SUPT3H: variants seen among roughly 807,000 people sequenced by gnomAD.
SUPT3H encodes the protein SPT3 homolog, SAGA and STAGA complex component.
SUPT3H carries 44 observed loss-of-function variants against 44.3 expected under a neutral mutation model. The ratio of observed to expected loss-of-function variants is 0.99; its 90% CI spans 0.78 to 1.28. SUPT3H has a LOEUF of 1.28. Among genes scored for constraint, SUPT3H ranks in the 50% most tolerant of loss-of-function variants. The pLI is 0.00. For synonymous variants in SUPT3H, 124 were observed against 125.6 expected (o/e 0.99, Z 0.09); for missense variants, 380 against 387.1 (o/e 0.98, Z 0.15).
At chr6:44,891,561 T>C (rs577860738) in intron 10 of SUPT3H, among the ~76,000 whole-genome samples, 187 of 152,172 alleles carry the variant, frequency 1.2e-3, no homozygotes, top group African/African-American at 4.1e-3. Context: ...TTCTTATAGA[T>C]AGAAAGTCGA....
At chr6:44,928,631 C>A (rs1224412969) in intron 10 of SUPT3H, among the ~76,000 whole-genome samples, 1 of 151,890 alleles carries the variant, frequency 6.6e-6, no homozygotes, top group African/African-American at 2.4e-5. Context: ...CGCGGTGGCT[C>A]ACGCCTGTAA....
intron 10 of SUPT3H, among the ~76,000 whole-genome samples, chr6:44,835,359 C>G (rs1206377713): frequency 6.6e-6 from 1 of 152,150 alleles, no homozygotes; most frequent in Non-Finnish European, 1.5e-5. Flanking sequence ...TATACATGCT[C>G]TGTCTCTAGG....
intron 10 of SUPT3H, among the ~76,000 whole-genome samples, chr6:44,832,160 G>T (rs2153410978): frequency 6.6e-6 from 1 of 152,102 alleles, no homozygotes; most frequent in South Asian, 2.1e-4. Context: ...CCCAACTTTG[G>T]CATGCTTTCC....
chr6:45,082,229 C>A (rs1167271006), intron 3 of SUPT3H, among the ~76,000 whole-genome samples: 1 of 151,938 alleles, frequency 6.6e-6, no homozygotes, highest in Non-Finnish European at 1.5e-5. Flanking sequence ...GAGTTGATAT[C>A]AATTCTACTG....
intron 6 of SUPT3H, among the ~76,000 whole-genome samples, chr6:44,965,984 T>C (rs1227636166): frequency 6.6e-6 from 1 of 152,156 alleles, no homozygotes; most frequent in Non-Finnish European, 1.5e-5. Context: ...TTGACCGGCC[T>C]AAGACCAGAA....
chr6:44,865,806 AT>A (rs1775406629), intron 10 of SUPT3H, among the ~76,000 whole-genome samples: 1 of 152,172 alleles, frequency 6.6e-6, no homozygotes, highest in Admixed American at 6.5e-5. Context: ...CATCACATAT[AT>A]TAAGTAGAAT....
chr6:45,271,654 G>A (rs1327676940), intron 2 of SUPT3H, among the ~76,000 whole-genome samples: 1 of 152,198 alleles, frequency 6.6e-6, no homozygotes. Context: ...AGGAAAATGT[G>A]TGGTTGGAGC....
intron 10 of SUPT3H, among the ~76,000 whole-genome samples, chr6:44,850,640 T>G (rs1772705029): frequency 1.3e-5 from 2 of 152,200 alleles, no homozygotes; most frequent in South Asian, 4.1e-4. Flanking sequence ...AAAGGAGTCT[T>G]GGAAGTTTAT....
At chr6:45,118,895 G>A (rs1416721277) in intron 2 of SUPT3H, among the ~76,000 whole-genome samples, 1 of 152,150 alleles carries the variant, frequency 6.6e-6, no homozygotes, top group Non-Finnish European at 1.5e-5. Context: ...AAGTGCTTAA[G>A]CATTTCAACT....
At chr6:44,850,792 C>CTATCTATT (rs1487579905) in intron 10 of SUPT3H, among the ~76,000 whole-genome samples, 17 of 150,838 alleles carry the variant, frequency 1.1e-4, no homozygotes, top group Middle Eastern at 3.4e-3. Flanking sequence ...ATCTATCTAT[C>CTATCTATT]TATAAATGTA....
At chr6:45,109,536 A>G (rs2153573152) in intron 2 of SUPT3H, among the ~76,000 whole-genome samples, 1 of 152,340 alleles carries the variant, frequency 6.6e-6, no homozygotes, top group South Asian at 2.1e-4. Flanking sequence ...ATACACTGTA[A>G]AGTAAGTACC....
chr6:45,247,996 T>C (rs1000643152), intron 2 of SUPT3H, among the ~76,000 whole-genome samples: 2 of 152,118 alleles, frequency 1.3e-5, no homozygotes, highest in African/African-American at 2.4e-5. Flanking sequence ...TGTCAACAAA[T>C]AGTGCTAGAA....
chr6:45,269,029 T>C (rs1357432689), intron 2 of SUPT3H, among the ~76,000 whole-genome samples: 3 of 152,096 alleles, frequency 2.0e-5, no homozygotes, highest in Non-Finnish European at 4.4e-5. Context: ...TTCTGGAAAG[T>C]CAATCACCTA....
intron 2 of SUPT3H, among the ~76,000 whole-genome samples, chr6:45,168,505 G>C (rs114366505): frequency 0.018 from 2,665 of 152,174 alleles, 51 homozygotes; most frequent in South Asian, 0.085. Context: ...ACCTCCTGAG[G>C]CTATGTCACA....
At chr6:44,976,689 C>T (rs1223456034) in intron 6 of SUPT3H, among the ~76,000 whole-genome samples, 4 of 152,108 alleles carry the variant, frequency 2.6e-5, no homozygotes, top group Admixed American at 6.5e-5. Context: ...TCTGAAAAGT[C>T]TACTTACCTA....
At chr6:44,892,380 T>C (rs932218377) in intron 10 of SUPT3H, among the ~76,000 whole-genome samples, 4 of 152,068 alleles carry the variant, frequency 2.6e-5, no homozygotes, top group Non-Finnish European at 5.9e-5. Flanking sequence ...AGGTAGGTGG[T>C]CATCTACAGC....
intron 3 of SUPT3H, among the ~76,000 whole-genome samples, chr6:45,104,574 T>G (rs551605465): frequency 1.3e-5 from 2 of 152,182 alleles, no homozygotes; most frequent in East Asian, 3.9e-4. Context: ...TTCTTTTAAT[T>G]TGTTCTAAAC....
intron 2 of SUPT3H, among the ~76,000 whole-genome samples, chr6:45,278,751 G>C (rs999976963): frequency 6.6e-6 from 1 of 152,184 alleles, no homozygotes; most frequent in Non-Finnish European, 1.5e-5. Context: ...TAAGAAGTCT[G>C]TGACTTGTTC....
intron 2 of SUPT3H, among the ~76,000 whole-genome samples, chr6:45,243,687 G>T (rs1350258226): frequency 6.6e-6 from 1 of 151,990 alleles, no homozygotes; most frequent in Non-Finnish European, 1.5e-5. Flanking sequence ...TACCAAAAAT[G>T]GTATAAAACT....
Sources: allele counts gnomAD v4.1 joint callset (sites outside exome capture counted in the v4.1 genomes callset), GRCh38; gene constraint gnomAD v4.1.1; transcripts MANE v1.5; gene names NCBI Gene and HGNC (gene_info 2026-07-23, HGNC 2026-07-21).